Variants in NCKAP5L observed in about 807,000 individuals in gnomAD.
The protein encoded by NCKAP5L is nck-associated protein 5-like.
Under a neutral mutation model 103.2 loss-of-function variants are expected in NCKAP5L, and 54 were observed. The ratio of observed to expected loss-of-function variants is 0.52; its 90% CI spans 0.42 to 0.66. The LOEUF is 0.66. NCKAP5L is among the 30% of genes least tolerant of loss of function. The pLI is 0.00. For missense variants in NCKAP5L, 1,733 were observed against 1,750.6 expected (o/e 0.99, Z 0.18); for synonymous variants, 762 against 748.6 (o/e 1.02, Z -0.29).
chr12:49,802,617 G>T, intron 5 of NCKAP5L: 1 of 312,274 alleles, frequency 3.2e-6, no homozygotes, highest in South Asian at 6.2e-5. Flanking sequence ...GAGTTAAAGT[G>T]GCCCCAATGT....
At chr12:49,816,151 G>T (rs1162009835) in intron 1 of NCKAP5L, among the ~76,000 whole-genome samples, 1 of 151,994 alleles carries the variant, frequency 6.6e-6, no homozygotes, top group Non-Finnish European at 1.5e-5. Context: ...GAAGAGGAGG[G>T]GACTCCCTAT....
chr12:49,798,577 TC>T, intron 6 of NCKAP5L, 114 bp from the exon 7 acceptor site: 1 of 866,226 alleles, frequency 1.2e-6, no homozygotes, highest in Non-Finnish European at 1.8e-6. Context: ...ACTCCCAGAC[TC>T]CCAGCCCCAA....
In NCKAP5L at chr12:49,796,016, T is replaced by C. The variant is rs755940565; in HGVS notation, c.1844A>G (p.Tyr615Cys). ...PSPCLPESYP[Y>C]GSPQEKSLDK... ...CAAACTCTTCTCTTGGGGGCTCCCA[T>C]AGGGGTACGATTCTGGGAGGCAAGG... The change falls in exon 8 of 13, where the codon TAT becomes TGT. Residue 615 changes from tyrosine (Y) to cysteine (C), a missense_variant. By Grantham distance (194) the Tyr-to-Cys change is radical (BLOSUM62 -2). Coordinates refer to ENST00000335999, the MANE Select transcript of NCKAP5L (RefSeq NM_001037806.4). 1.7e-5 allele frequency: 26 copies of C among 1,548,580 alleles called. No homozygotes were observed. Among genetic ancestry groups the C allele is most frequent in the Middle Eastern group, 1.7e-4 (1 of 5,736 alleles).
At position 49,795,110 on chromosome 12, in the gene NCKAP5L, A is replaced by G; in HGVS notation, c.2750T>C (p.Ile917Thr). ...CTTCTTAAGGCCGAACCAGCTGGCG[A>G]TGCTGCTGGTGTTGCGGTGCTTGAC... ...AEVKHRNTSSIASWFGLKKSK... is the reference protein window; with the variant it reads ...AEVKHRNTSSTASWFGLKKSK... The change falls in exon 8 of 13, where the codon ATC becomes ACC. Residue 917 changes from isoleucine to threonine, a missense_variant. Transcript: ENST00000335999. 1 of 1,613,272 alleles carries G rather than the reference A, an allele frequency of 6.2e-7. No individual in the cohort carries two copies. The highest frequency in any genetic ancestry group is 8.5e-7 in the Non-Finnish European group (1 of 1,179,748).
Position 49,792,238 on chromosome 12 carries a change from G to A in NCKAP5L, c.3793-187C>T. On this transcript the variant is annotated intron_variant, in intron 12 of 12. Coordinates refer to ENST00000335999, the MANE Select transcript of NCKAP5L (RefSeq NM_001037806.4). The surrounding 1 kb of genome is among the most constrained non-coding windows in gnomAD (Gnocchi z 4.5). ...TGAGAACAGTCCTACAAGGTTCTGG[G>A]GAGGGACAGAAACCTTTCCCCACGA... is the stretch of plus-strand genomic sequence containing the variant. 1 of 1,146,454 alleles carries A rather than the reference G, an allele frequency of 8.7e-7. No individual in the cohort carries two copies. Among genetic ancestry groups the A allele is most frequent in the Admixed American group, 2.0e-5 (1 of 50,422 alleles). The allele number at this position is 1,146,454 out of a possible 1,614,324, so 71.0% of individuals were successfully genotyped here.
intron 8 of NCKAP5L, among the ~76,000 whole-genome samples, chr12:49,794,304 T>C (rs1218512187): frequency 6.6e-6 from 1 of 152,214 alleles, no homozygotes; most frequent in Admixed American, 6.5e-5. Context: ...CTGCAGACTT[T>C]CTGCCTCATC....
rs1170852685 is a variant in NCKAP5L at position 49,791,642 on chromosome 12, C to A, written c.*197G>T. 3 of 533,492 alleles carry A rather than the reference C, an allele frequency of 5.6e-6. No homozygotes were observed. Among genetic ancestry groups the A allele is most frequent in the African/African-American group, 1.9e-5 (1 of 51,908 alleles). 33.0% of individuals were successfully genotyped at this position (533,492 alleles called of 1,614,324 possible). ...AAGGGACCAAGGGCGGGGTCTCTCCCTGAGCTGAGCACGGTCATCTCATCC... is the reference window on the plus strand; with the variant it reads ...AAGGGACCAAGGGCGGGGTCTCTCCATGAGCTGAGCACGGTCATCTCATCC... On this transcript the variant is annotated 3_prime_UTR_variant, in exon 13 of 13. Coordinates refer to ENST00000335999, the MANE Select transcript of NCKAP5L (RefSeq NM_001037806.4).
chr12:49,806,901 C>T (rs1212407655), intron 1 of NCKAP5L, among the ~76,000 whole-genome samples: 2 of 152,188 alleles, frequency 1.3e-5, no homozygotes, highest in Admixed American at 6.5e-5. Context: ...GAGTGTCTGG[C>T]GTGAATTCCA....
In NCKAP5L at chr12:49,796,732, G is replaced by T. The variant is rs1391952511; in HGVS notation, c.1128C>A (p.Leu376=). 3.7e-6 allele frequency: 6 copies of T among 1,610,448 alleles called. No individual in the cohort carries two copies. The highest frequency in any genetic ancestry group is 5.1e-6 in the Non-Finnish European group (6 of 1,178,446). Residue 376 remains leucine, a synonymous_variant, in exon 8 of 13, where the codon CTC becomes CTA. Transcript: ENST00000335999. The part of the protein sequence containing the change: ...APPQLSKSKG[L]PKSAWGGGTP... ...TACCCCCACCCCAAGCTGACTTGGG[G>T]AGGCCTTTGGACTTAGACAGCTGTG... is the stretch of plus-strand genomic sequence containing the variant.
At chr12:49,814,377 G>A (rs908079219) in intron 1 of NCKAP5L, among the ~76,000 whole-genome samples, 12 of 150,794 alleles carry the variant, frequency 8.0e-5, no homozygotes, top group South Asian at 2.1e-4. Context: ...CCAGCTATTC[G>A]GGAGGCTGAG....
At chr12:49,819,875 C>T (rs1189645553) in intron 1 of NCKAP5L, among the ~76,000 whole-genome samples, 15 of 152,176 alleles carry the variant, frequency 9.9e-5, no homozygotes. Flanking sequence ...GGTTTACATA[C>T]AACCAAAAGG....
In NCKAP5L at chr12:49,791,702, C is replaced by G; in HGVS notation, c.*137G>C. On this transcript the variant is annotated 3_prime_UTR_variant, in exon 13 of 13. Coordinates refer to ENST00000335999, the MANE Select transcript of NCKAP5L (RefSeq NM_001037806.4). ...GTGGGTGGTGGGGTGTGCCAGGGACCCCCTTTTCACCTTCTTATCCACCTG... is the reference window on the plus strand; with the variant it reads ...GTGGGTGGTGGGGTGTGCCAGGGACGCCCTTTTCACCTTCTTATCCACCTG... 2.8e-6 allele frequency: 2 copies of G among 701,838 alleles called. No homozygotes were observed. The highest frequency in any genetic ancestry group is 4.5e-6 in the Non-Finnish European group (2 of 440,156). The allele number at this position is 701,838 out of a possible 1,614,324, so 43.5% of individuals were successfully genotyped here. A position where few individuals can be genotyped will look rare whatever the true frequency, so the allele number is the denominator to read the frequency against.
rs1033454574 is a variant in NCKAP5L at position 49,820,386 on chromosome 12, G to A, written c.-99+7936C>T. On this transcript the variant is annotated intron_variant, in intron 1 of 12. Transcript: ENST00000335999. Reference sequence around the variant, plus strand: ...GGCTGGAAGGCAGTGGCGCGATCTCGGCTCACTGCAACCTCCATCTCCCGG... The same window carrying A: ...GGCTGGAAGGCAGTGGCGCGATCTCAGCTCACTGCAACCTCCATCTCCCGG... Among the ~76,000 whole-genome samples, 4 of 147,784 alleles carry A rather than the reference G, an allele frequency of 2.7e-5. No individual in the cohort carries two copies. In the South Asian group the frequency reaches 6.4e-4, roughly 24 times the overall value.
Position 49,792,284 on chromosome 12 carries a change from T to TGGGGAGGGCCGC in NCKAP5L, c.3792+150_3792+161dup. On this transcript the variant is annotated intron_variant, in intron 12 of 12. Coordinates refer to ENST00000335999, the MANE Select transcript of NCKAP5L (RefSeq NM_001037806.4). The surrounding 1 kb of genome is among the most constrained non-coding windows in gnomAD (Gnocchi z 4.5). ...CACGAGAGAAGTGCAAGGAGGGCAG[T>TGGGGAGGGCCGC]GGGGAGGGCCGCTCACAGGGCATCC... 7.1e-7 allele frequency: 1 copy of TGGGGAGGGCCGC among 1,405,780 alleles called. No individual in the cohort carries two copies. The highest frequency in any genetic ancestry group is 9.7e-7 in the Non-Finnish European group (1 of 1,026,376). 87.1% of individuals were successfully genotyped at this position (1,405,780 alleles called of 1,614,324 possible).
In NCKAP5L at chr12:49,796,704, G is replaced by A. The variant is rs941855804; in HGVS notation, c.1156C>T (p.Pro386Ser). ...LPKSAWGGGT[P>S]EAHRPGFGAT... is the part of the protein sequence containing the mutation. ...CCGAAGCCTGGCCTGTGGGCCTCTG[G>A]GGTACCCCCACCCCAAGCTGACTTG... The change falls in exon 8 of 13, where the codon CCA becomes TCA. Residue 386 changes from proline (P) to serine (S), a missense_variant. Pro to Ser is a moderately conservative substitution (Grantham distance 74). Coordinates refer to ENST00000335999, the MANE Select transcript of NCKAP5L (RefSeq NM_001037806.4). 2.5e-6 allele frequency: 4 copies of A among 1,600,896 alleles called. No homozygotes were observed. The highest frequency in any genetic ancestry group is 3.4e-6 in the Non-Finnish European group (4 of 1,173,910).
chr12:49,824,356 C>T (rs1371368351), intron 1 of NCKAP5L, among the ~76,000 whole-genome samples: 3 of 152,232 alleles, frequency 2.0e-5, no homozygotes, highest in African/African-American at 7.2e-5. Context: ...CACCTTACAG[C>T]CAGGTAGGCA....
intron 8 of NCKAP5L, among the ~76,000 whole-genome samples, chr12:49,794,536 T>C (rs1401426418): frequency 6.6e-6 from 1 of 152,012 alleles, no homozygotes; most frequent in African/African-American, 2.4e-5. Context: ...TGTGGACTGT[T>C]AACTCTTCTC....
rs1946008182 is a variant in NCKAP5L at position 49,794,942 on chromosome 12, G to T, written c.2918C>A (p.Ala973Asp). Residue 973 changes from alanine to aspartate, a missense_variant, in exon 8 of 13, where the codon GCC becomes GAC. Transcript: ENST00000335999. ...AESLNISKLM[A>D]KAEDLRRALE... The stretch of plus-strand genomic sequence containing the variant: ...TGCCCGACGCAGGTCTTCCGCCTTG[G>T]CCATCAGCTTGGAGATGTTGAGGCT... 6.3e-7 allele frequency: 1 copy of T among 1,575,878 alleles called. No homozygotes were observed.
rs570877665 is a variant in NCKAP5L, at chr12:49,792,780, T to C, written c.3547A>G (p.Ile1183Val). ...CGCCCACTCACCAGCAGCTCCTCTATGCCTGGCACCTCCCGCTCCAGTGTG... is the reference window on the plus strand; with the variant it reads ...CGCCCACTCACCAGCAGCTCCTCTACGCCTGGCACCTCCCGCTCCAGTGTG... ...AHTLEREVPG[I>V]EELLVSGRHP... The change falls in exon 11 of 13, where the codon ATA (isoleucine) becomes GTA (valine). Residue 1183 changes from isoleucine to valine, a missense_variant. Ile to Val is a conservative substitution (Grantham distance 29). Transcript: ENST00000335999. This position sits in a 1 kb window ranked among gnomAD's most constrained non-coding sequence, Gnocchi z 4.5. 7 of 1,586,234 alleles carry C rather than the reference T, an allele frequency of 4.4e-6. No homozygotes were observed. In the African/African-American group the frequency reaches 9.5e-5, roughly 22 times the overall value.
Sources: gnomAD v4.1 joint callset for allele counts (sites outside exome capture counted in the v4.1 genomes callset) on GRCh38, gnomAD v4.1.1 for gene constraint, Gnocchi (gnomAD v3.1) non-coding constraint, MANE v1.5 for transcripts, NCBI Gene and HGNC (gene_info 2026-07-23, HGNC 2026-07-21) for gene names.